PTPRO: variants seen among roughly 807,000 people sequenced by gnomAD.
The protein encoded by PTPRO is protein tyrosine phosphatase receptor type O, also known as receptor-type tyrosine-protein phosphatase O.
PTPRO carries 62 observed loss-of-function variants against 145.2 expected under a neutral mutation model. The observed-to-expected ratio is 0.43, with a 90% CI of 0.35 to 0.53. PTPRO has a LOEUF of 0.53. Among genes scored for constraint, PTPRO ranks in the 20% least tolerant of loss-of-function variants. PTPRO has a pLI of 0.01. For missense variants in PTPRO, 1,345 were observed against 1,482.7 expected (o/e 0.91, Z 1.53); for synonymous variants, 565 against 514.7 (o/e 1.10, Z -1.32).
At chr12:15,480,256 A>C (rs1463022142) in intron 1 of PTPRO, among the ~76,000 whole-genome samples, 1 of 152,216 alleles carries the variant, frequency 6.6e-6, no homozygotes, top group Non-Finnish European at 1.5e-5. Flanking sequence ...CTACATCCAA[A>C]ACCTGGATTT....
chr12:15,517,080 G>A lies in PTPRO; in HGVS notation c.1779+124G>A. On this transcript the variant is annotated intron_variant, in intron 9 of 26. Transcript: ENST00000281171. ...TTTTGTAAATACACATAGTGTGTTA[G>A]TTCATTTTCACACTGCTGATAAAGA... 9.4e-6 allele frequency: 9 copies of A among 954,738 alleles called. No individual in the cohort carries two copies. In the South Asian group the frequency reaches 1.2e-4, roughly 13 times the overall value. 59.1% of individuals were successfully genotyped at this position (954,738 alleles called of 1,614,324 possible).
chr12:15,377,896 A>G (rs1244650921), intron 1 of PTPRO, among the ~76,000 whole-genome samples: 2 of 152,122 alleles, frequency 1.3e-5, no homozygotes, highest in Non-Finnish European at 2.9e-5. Context: ...TAAATAACCA[A>G]TGGGTCAAAG....
In PTPRO at chr12:15,360,605, T is replaced by TTC. The variant is rs201998130; in HGVS notation, c.75+37818_75+37819dup. On this transcript the variant is annotated intron_variant, in intron 1 of 26. Transcript: ENST00000281171. Reference sequence around the variant, plus strand: ...TCTGTGATTGATTTAGTATCTCTCTTTCTCTCTCTCTCTCTATATATATAT... The same window carrying TTC: ...TCTGTGATTGATTTAGTATCTCTCTTTCTCTCTCTCTCTCTCTATATATATAT... Among the ~76,000 whole-genome samples the TTC allele has an allele frequency of 5.6e-3, 845 of 150,670 alleles. 11 individuals are homozygous for TTC. Among genetic ancestry groups the TTC allele is most frequent in the African/African-American group, 0.019 (788 of 41,026 alleles).
intron 1 of PTPRO, among the ~76,000 whole-genome samples, chr12:15,379,344 C>T (rs1267603856): frequency 1.3e-5 from 2 of 149,028 alleles, no homozygotes; most frequent in African/African-American, 5.0e-5. Context: ...CATGGTGAAA[C>T]CCCTGTCTCT....
Position 15,412,862 on chromosome 12 carries a change from C to T in PTPRO, c.76-71112C>T, listed in dbSNP as rs138080200. 8.5e-5 allele frequency among the ~76,000 whole-genome samples: 13 copies of T among 152,268 alleles called. No individual in the cohort carries two copies. The East Asian group carries it at 2.1e-3, about 25-fold the overall frequency. The stretch of plus-strand genomic sequence containing the variant: ...AGGCTGGAGTGCAGTGACGCAATCT[C>T]GTCTCACTACAAACTTCACCTCCCG... On this transcript the variant is annotated intron_variant, in intron 1 of 26. Coordinates refer to ENST00000281171, the MANE Select transcript of PTPRO (RefSeq NM_030667.3).
chr12:15,391,132 A>C (rs1049742826), intron 1 of PTPRO, among the ~76,000 whole-genome samples: 2 of 152,190 alleles, frequency 1.3e-5, no homozygotes, highest in Non-Finnish European at 2.9e-5. Flanking sequence ...GAGTTCAACA[A>C]GGAACTGTGG....
At chr12:15,555,522 A>G (rs955115850) in intron 15 of PTPRO, among the ~76,000 whole-genome samples, 2 of 152,218 alleles carry the variant, frequency 1.3e-5, no homozygotes, top group South Asian at 4.1e-4. Context: ...ACTTAGGAGC[A>G]TTAACGCAGT....
chr12:15,497,341 T>A lies in PTPRO; in HGVS notation c.446T>A (p.Val149Asp). 2.5e-6 allele frequency: 4 copies of A among 1,612,042 alleles called. No individual in the cohort carries two copies. The highest frequency in any genetic ancestry group is 3.4e-6 in the Non-Finnish European group (4 of 1,178,326). ...FEIHYPEKYN[V>D]FTRVNISYWE... ...ATACATTATCCAGAAAAATATAACG[T>A]TTTCACAAGAGTGAACATTAGCTAC... The change falls in exon 3 of 27, where the codon GTT becomes GAT. Residue 149 changes from valine (V) to aspartate (D), a missense_variant. Coordinates refer to ENST00000281171, the MANE Select transcript of PTPRO (RefSeq NM_030667.3).
At chr12:15,591,306 G>A (rs1365252078) in intron 25 of PTPRO, among the ~76,000 whole-genome samples, 3 of 152,086 alleles carry the variant, frequency 2.0e-5, no homozygotes, top group Non-Finnish European at 4.4e-5. Context: ...AGGAGACGGA[G>A]GTTGCAATGA....
intron 1 of PTPRO, among the ~76,000 whole-genome samples, chr12:15,453,903 T>C (rs1450542799): frequency 6.6e-6 from 1 of 152,246 alleles, no homozygotes; most frequent in East Asian, 1.9e-4. Flanking sequence ...TTGCATATCG[T>C]AGGACTTCCT....
At chr12:15,589,393 G>C in intron 24 of PTPRO, 62 bp from the exon 25 acceptor site, 3 of 1,553,670 alleles carry the variant, frequency 1.9e-6, no homozygotes, top group Admixed American at 3.4e-5. Context: ...AAAAAAAAAA[G>C]AGGGGGGAGA....
chr12:15,422,401 C>T (rs1392435970), intron 1 of PTPRO, among the ~76,000 whole-genome samples: 1 of 151,986 alleles, frequency 6.6e-6, no homozygotes, highest in Non-Finnish European at 1.5e-5. Flanking sequence ...TTAATAAAAT[C>T]ACAAAAACTT....
intron 1 of PTPRO, among the ~76,000 whole-genome samples, chr12:15,435,558 C>CT (rs34792603): frequency 0.17 from 24,520 of 146,378 alleles, 2,073 homozygotes; most frequent in Middle Eastern, 0.22. Flanking sequence ...AGCAAAGCAC[C>CT]TTTTTTTTTT....
At chr12:15,377,860 T>C (rs1013153399) in intron 1 of PTPRO, among the ~76,000 whole-genome samples, 1 of 152,074 alleles carries the variant, frequency 6.6e-6, no homozygotes, top group African/African-American at 2.4e-5. Flanking sequence ...AATTCACAAA[T>C]ATGTGAAAAT....
At chr12:15,410,095 G>T (rs1939756731) in intron 1 of PTPRO, among the ~76,000 whole-genome samples, 1 of 152,056 alleles carries the variant, frequency 6.6e-6, no homozygotes. Context: ...AAAAAAGAGA[G>T]ACAGACAAAC....
intron 1 of PTPRO, among the ~76,000 whole-genome samples, chr12:15,468,378 G>T (rs1038305954): frequency 7.2e-5 from 11 of 152,134 alleles, no homozygotes; most frequent in African/African-American, 2.4e-4. Context: ...TTTTAGAAGG[G>T]TCTACAAAGT....
intron 3 of PTPRO, among the ~76,000 whole-genome samples, chr12:15,499,211 C>T (rs1942168576): frequency 6.6e-6 from 1 of 152,134 alleles, no homozygotes; most frequent in South Asian, 2.1e-4. Context: ...AAGGTTAACT[C>T]CAATTGTGTT....
intron 1 of PTPRO, among the ~76,000 whole-genome samples, chr12:15,430,466 G>A (rs1385974096): frequency 5.3e-5 from 8 of 152,106 alleles, no homozygotes; most frequent in Admixed American, 5.2e-4. Context: ...TGAGAGTACA[G>A]AAGGGTTCTG....
chr12:15,587,767 A>G (rs1334818334), intron 24 of PTPRO, among the ~76,000 whole-genome samples: 1 of 152,232 alleles, frequency 6.6e-6, no homozygotes, highest in Non-Finnish European at 1.5e-5. Flanking sequence ...TGCAACCTCA[A>G]AAGAACAGGG....
Sources: gnomAD v4.1 joint callset for allele counts (sites outside exome capture counted in the v4.1 genomes callset) on GRCh38, gnomAD v4.1.1 for gene constraint, MANE v1.5 for transcripts, NCBI Gene and HGNC (gene_info 2026-07-23, HGNC 2026-07-21) for gene names.